The following RBFOX1 variants were observed in gnomAD, a reference collection of about 807,000 sequenced individuals.
RBFOX1 encodes RNA binding fox-1 homolog 1, also known as RNA binding protein fox-1 homolog 1.
RBFOX1 carries 8 observed loss-of-function variants against 57.7 expected under a neutral mutation model. That is an observed-to-expected ratio of 0.14 (90% CI 0.08 to 0.25). The LOEUF is 0.25. Among genes scored for constraint, RBFOX1 ranks in the 10% least tolerant of loss-of-function variants. RBFOX1 has a pLI of 1.00. For missense variants in RBFOX1, 611 were observed against 548.5 expected, an observed-to-expected ratio of 1.11 and a Z score of -1.14; for synonymous variants, 326 against 222.4, an observed-to-expected ratio of 1.47 and a Z score of -4.15.
At chr16:7,274,159 C>G (rs2095395144) in intron 4 of RBFOX1, among the ~76,000 whole-genome samples, 1 of 152,200 alleles carries the variant, frequency 6.6e-6, no homozygotes, top group South Asian at 2.1e-4. Flanking sequence ...GGAGGTTTCT[C>G]TCTGCGTTCT....
intron 3 of RBFOX1, among the ~76,000 whole-genome samples, chr16:6,947,968 A>T (rs1396507112): frequency 6.6e-6 from 1 of 151,982 alleles, no homozygotes; most frequent in Non-Finnish European, 1.5e-5. Context: ...AAATAGAGAC[A>T]GGCTCTTATC....
At chr16:7,144,278 A>G (rs948233400) in intron 4 of RBFOX1, among the ~76,000 whole-genome samples, 3 of 152,180 alleles carry the variant, frequency 2.0e-5, no homozygotes, top group African/African-American at 7.2e-5. Flanking sequence ...CTTCCTCCCC[A>G]GAGGAATTGA....
intron 3 of RBFOX1, among the ~76,000 whole-genome samples, chr16:6,879,133 C>T (rs954952231): frequency 1.3e-5 from 2 of 152,164 alleles, no homozygotes; most frequent in Non-Finnish European, 2.9e-5. Flanking sequence ...TTCATTTCAG[C>T]AGGACAGACA....
At chr16:6,905,037 A>G (rs920578579) in intron 3 of RBFOX1, among the ~76,000 whole-genome samples, 3 of 152,286 alleles carry the variant, frequency 2.0e-5, no homozygotes, top group Non-Finnish European at 4.4e-5. Flanking sequence ...GAATTTTTCA[A>G]GTTGTACAAA....
At chr16:6,152,635 G>A (rs183171330) in intron 1 of RBFOX1, among the ~76,000 whole-genome samples, 6 of 152,272 alleles carry the variant, frequency 3.9e-5, no homozygotes, top group East Asian at 1.9e-4. Flanking sequence ...TACTACAAGC[G>A]CTTCATTGAA....
chr16:7,693,715 A>C (rs756361766), intron 14 of RBFOX1, among the ~76,000 whole-genome samples: 2 of 152,142 alleles, frequency 1.3e-5, no homozygotes, highest in Non-Finnish European at 2.9e-5. Flanking sequence ...TATGACTTCC[A>C]TGTTTTTTGA....
At chr16:6,217,970 C>G (rs563310865) in intron 1 of RBFOX1, among the ~76,000 whole-genome samples, 1 of 152,082 alleles carries the variant, frequency 6.6e-6, no homozygotes, top group East Asian at 1.9e-4. Context: ...GAGCTGGGAT[C>G]CTGCCACTGC....
chr16:6,327,349 A>G (rs2082491901), intron 2 of RBFOX1, among the ~76,000 whole-genome samples: 1 of 151,898 alleles, frequency 6.6e-6, no homozygotes, highest in Admixed American at 6.6e-5. Flanking sequence ...TCTCACTAAT[A>G]CCAGAATCAC....
chr16:6,743,262 G>A (rs1050063902), intron 3 of RBFOX1, among the ~76,000 whole-genome samples: 2 of 152,052 alleles, frequency 1.3e-5, no homozygotes, highest in South Asian at 2.1e-4. Context: ...ACAAAAAAGA[G>A]GAAAAGGGAA....
chr16:5,954,786 C>T (rs2059590280), intron 4 of RBFOX1, among the ~76,000 whole-genome samples: 1 of 152,118 alleles, frequency 6.6e-6, no homozygotes, highest in Non-Finnish European at 1.5e-5. Flanking sequence ...TTCCTTCCTC[C>T]CCTTCCTGCA....
intron 3 of RBFOX1, among the ~76,000 whole-genome samples, chr16:7,035,194 GTTGGTCCTCAGTCTCACT>G (rs1191110228): frequency 2.0e-5 from 3 of 151,950 alleles, no homozygotes; most frequent in African/African-American, 2.4e-5. Flanking sequence ...TGCCAACGCT[GTTGGTCCTCAGTCTCACT>G]TTGAGTGTTA....
intron 1 of RBFOX1, among the ~76,000 whole-genome samples, chr16:5,399,370 T>G (rs2066650483): frequency 6.6e-6 from 1 of 152,204 alleles, no homozygotes; most frequent in Non-Finnish European, 1.5e-5. Flanking sequence ...AAAACTAATG[T>G]GTATTTTGAA....
intron 3 of RBFOX1, among the ~76,000 whole-genome samples, chr16:6,874,273 G>C (rs533257416): frequency 6.6e-6 from 1 of 152,054 alleles, no homozygotes; most frequent in Non-Finnish European, 1.5e-5. Flanking sequence ...ACTTCGGGAG[G>C]CTGAGGCAGG....
At chr16:6,843,768 C>T (rs544030336) in intron 3 of RBFOX1, among the ~76,000 whole-genome samples, 2 of 152,122 alleles carry the variant, frequency 1.3e-5, no homozygotes, top group Non-Finnish European at 2.9e-5. Context: ...GATTTAGGAA[C>T]GTATCCTTCA....
intron 3 of RBFOX1, among the ~76,000 whole-genome samples, chr16:5,827,803 A>G (rs77446782): frequency 0.061 from 9,303 of 151,920 alleles, 350 homozygotes; most frequent in African/African-American, 0.1. Context: ...TCGTCCATTC[A>G]TTCATTCATC....
intron 3 of RBFOX1, among the ~76,000 whole-genome samples, chr16:6,921,842 G>T (rs1414221911): frequency 6.6e-6 from 1 of 151,982 alleles, no homozygotes; most frequent in African/African-American, 2.4e-5. Flanking sequence ...GCTGCATTCT[G>T]TTGGTTGGAA....
At chr16:6,622,162 CA>C (rs1459952172) in intron 2 of RBFOX1, among the ~76,000 whole-genome samples, 2 of 152,102 alleles carry the variant, frequency 1.3e-5, no homozygotes, top group Admixed American at 6.6e-5. Context: ...AATGATAGCA[CA>C]AAATATTGCT....
intron 3 of RBFOX1, among the ~76,000 whole-genome samples, chr16:6,738,282 T>C (rs12445815): frequency 0.097 from 14,690 of 151,906 alleles, 944 homozygotes; most frequent in African/African-American, 0.17. Flanking sequence ...AGCTTACTGC[T>C]TTAAGAGTTT....
At chr16:5,542,334 T>G (rs2044991936) in intron 2 of RBFOX1, among the ~76,000 whole-genome samples, 1 of 150,378 alleles carries the variant, frequency 6.6e-6, no homozygotes, top group South Asian at 2.1e-4. Context: ...CTGCAACCTC[T>G]GCCTCCCGGG....
Sources: allele counts gnomAD v4.1 joint callset (sites outside exome capture counted in the v4.1 genomes callset), GRCh38; gene constraint gnomAD v4.1.1; transcripts MANE v1.5; gene names NCBI Gene and HGNC (gene_info 2026-07-23, HGNC 2026-07-21).